Variants in PCDH1 observed in about 807,000 individuals in gnomAD.
PCDH1 encodes protocadherin 1.
PCDH1 carries 23 observed loss-of-function variants against 74.6 expected under a neutral mutation model. That is an observed-to-expected ratio of 0.31 (90% CI 0.22 to 0.44). The LOEUF is 0.44. Among genes scored for constraint, PCDH1 ranks in the 20% least tolerant of loss-of-function variants. The pLI is 1.00. For missense variants in PCDH1, 1,214 were observed against 1,641.4 expected (o/e 0.74, Z 4.50); for synonymous variants, 647 against 686.1 (o/e 0.94, Z 0.89).
At position 141,868,908 on chromosome 5, in the gene PCDH1, G is replaced by A; in HGVS notation, c.564C>T (p.Pro188=). ...CATCACGGTCTGAAGCCAGCGGGAT[G>A]GGGAAGAGTGAGCCGATGTTGGTGT... ...PENTNIGSLF[P]IPLASDRDAG... The change falls in exon 2 of 5, where the codon CCC becomes CCT. Residue 188 remains proline, a synonymous_variant. Coordinates refer to ENST00000287008, the MANE Select transcript of PCDH1 (RefSeq NM_032420.5). This position sits in a 1 kb window ranked among gnomAD's most constrained non-coding sequence, Gnocchi z 4.8. The A allele has an allele frequency of 6.2e-7, 1 of 1,614,234 alleles. No individual in the cohort carries two copies. The highest frequency in any genetic ancestry group is 8.5e-7 in the Non-Finnish European group (1 of 1,180,042).
chr5:141,863,258 T>C lies in PCDH1; in HGVS notation c.3073A>G (p.Asn1025Asp), dbSNP rs763953011. ...TGCTTGCTGGGGTATTTGGGGGGGT[T>C]GGTGCGGTAGCTGTAGTCGGAGTAC... The part of the protein sequence containing the change: ...EQYSDYSYRT[N>D]PPKYPSKQLP... The change falls in exon 3 of 5, where the codon AAC becomes GAC. Residue 1025 changes from asparagine (N) to aspartate (D), a missense_variant. Physicochemically the swap from Asn to Asp is conservative, Grantham distance 23 (BLOSUM62 1). Around this residue, in one of 4 missense-constraint regions of PCDH1, gnomAD observed 836 missense variants for 1,182.2 expected, o/e 0.71. Coordinates refer to ENST00000287008, the MANE Select transcript of PCDH1 (RefSeq NM_032420.5). The surrounding 1 kb of genome is among the most constrained non-coding windows in gnomAD (Gnocchi z 7.5). 1.3e-6 allele frequency: 2 copies of C among 1,592,944 alleles called. No homozygotes were observed. The highest frequency in any genetic ancestry group is 1.7e-5 in the Admixed American group (1 of 57,938).
intron 2 of PCDH1, chr5:141,867,457 G>C (rs1752896514): frequency 2.6e-6 from 1 of 391,068 alleles, no homozygotes; most frequent in Non-Finnish European, 5.0e-6. Context: ...TGCAAAATGG[G>C]GATAATACTT....
In PCDH1 at chr5:141,863,783, G is replaced by A. The variant is rs778410069; in HGVS notation, c.2548C>T (p.Arg850Cys). The change falls in exon 3 of 5, where the codon CGT (arginine) becomes TGT (cysteine). Residue 850 changes from arginine to cysteine, a missense_variant. By Grantham distance (180) the Arg-to-Cys change is radical (BLOSUM62 -3). This residue lies in a region of PCDH1 where 836 missense variants were observed against 1,182.2 expected (regional missense o/e 0.71). Transcript: ENST00000287008. The surrounding 1 kb of genome is among the most constrained non-coding windows in gnomAD (Gnocchi z 7.5). Reference protein sequence around the residue: ...GDPEYERSKQRGNILFGVVAG... With the variant: ...GDPEYERSKQCGNILFGVVAG... ...ACCACACCAAAGAGAATGTTGCCAC[G>A]CTGCTTGGAGCGCTCATATTCTGGA... 3.1e-6 allele frequency: 5 copies of A among 1,614,042 alleles called. No homozygotes were observed. Among genetic ancestry groups the A allele is most frequent in the South Asian group, 2.2e-5 (2 of 91,086 alleles).
At chr5:141,861,637 C>T (rs1752569449) in intron 3 of PCDH1, among the ~76,000 whole-genome samples, 1 of 152,098 alleles carries the variant, frequency 6.6e-6, no homozygotes, top group Admixed American at 6.5e-5. Flanking sequence ...TTTGGGGGCC[C>T]CCCAGGGCAT....
chr5:141,869,294 C>T lies in PCDH1; in HGVS notation c.178G>A (p.Val60Ile), dbSNP rs1753014799. 2 of 1,605,752 alleles carry T rather than the reference C, an allele frequency of 1.2e-6. No individual in the cohort carries two copies. The highest frequency in any genetic ancestry group is 1.7e-6 in the Non-Finnish European group (2 of 1,176,412). ...LAPSPGHATR[V>I]VYKVPEEQPP... ...TGTTCCTCCGGCACCTTGTACACTA[C>T]CCGAGTGGCGTGGCCTGGGGATGGA... The change falls in exon 2 of 5, where the codon GTA becomes ATA. Residue 60 changes from valine to isoleucine, a missense_variant. Val to Ile is a conservative substitution (Grantham distance 29, BLOSUM62 3). This residue lies in a region of PCDH1 where 87 missense variants were observed against 87.7 expected (regional missense o/e 0.99). Transcript: ENST00000287008. The surrounding 1 kb of genome is among the most constrained non-coding windows in gnomAD (Gnocchi z 4.9).
At chr5:141,862,695 G>C in intron 3 of PCDH1, 1 of 990,830 alleles carries the variant, frequency 1.0e-6, no homozygotes, top group Non-Finnish European at 1.2e-6. Flanking sequence ...GGGCATGTGG[G>C]ACCCAGCCCC....
At chr5:141,874,561 G>T (rs1412392895) in intron 1 of PCDH1, among the ~76,000 whole-genome samples, 15 of 152,200 alleles carry the variant, frequency 9.9e-5, no homozygotes, top group Non-Finnish European at 1.9e-4. Flanking sequence ...GATAAGGAGG[G>T]GACGGAGTCC....
rs143444603 is a variant in PCDH1 at position 141,877,503 on chromosome 5, G to A, written c.40+720C>T. On this transcript the variant is annotated intron_variant, in intron 1 of 4. Coordinates refer to ENST00000287008, the MANE Select transcript of PCDH1 (RefSeq NM_032420.5). ...GTTTTGAGGGTTCATCTAGTGAACT[G>A]TGGCTGTGACACTCGTACATGAGGG... Among the ~76,000 whole-genome samples, 1,275 of 152,284 alleles carry A rather than the reference G, an allele frequency of 8.4e-3. 9 individuals are homozygous for A. The highest frequency in any genetic ancestry group is 0.012 in the Non-Finnish European group (827 of 68,034).
Position 141,865,968 on chromosome 5 carries a change from T to C in PCDH1, c.904-541A>G. ...TTGTGTGAGAAGGTATATGTGTTTG[T>C]ATGTGTATGATTGTGTCAGAATGTG... On this transcript the variant is annotated intron_variant, in intron 2 of 4. Transcript: ENST00000287008. The surrounding 1 kb of genome is among the most constrained non-coding windows in gnomAD (Gnocchi z 4.4). 1 of 786,566 alleles carries C rather than the reference T, an allele frequency of 1.3e-6. No individual in the cohort carries two copies. Among genetic ancestry groups the C allele is most frequent in the Non-Finnish European group, 1.6e-6 (1 of 642,670 alleles). 48.7% of individuals were successfully genotyped at this position (786,566 alleles called of 1,614,324 possible).
chr5:141,855,954 A>ACCCCCCCC (rs34330177), intron 4 of PCDH1, among the ~76,000 whole-genome samples: 25 of 148,812 alleles, frequency 1.7e-4, no homozygotes, highest in Non-Finnish European at 3.0e-4. Flanking sequence ...CCAGGCAGTG[A>ACCCCCCCC]CCCCCCCCCA....
chr5:141,857,038 TCA>T (rs2126804943), intron 4 of PCDH1, among the ~76,000 whole-genome samples: 1 of 152,324 alleles, frequency 6.6e-6, no homozygotes, highest in East Asian at 1.9e-4. Context: ...TCTCTAAGCC[TCA>T]GTTTCCTCCA....
chr5:141,867,448 G>A, intron 2 of PCDH1: 1 of 373,876 alleles, frequency 2.7e-6, no homozygotes, highest in East Asian at 7.9e-5. Context: ...TTTCTCATCT[G>A]CAAAATGGGG....
intron 4 of PCDH1, among the ~76,000 whole-genome samples, chr5:141,855,895 G>A (rs1752316535): frequency 6.6e-6 from 1 of 152,070 alleles, no homozygotes; most frequent in Non-Finnish European, 1.5e-5. Flanking sequence ...TGGGCCATGA[G>A]TACTTCCTGT....
Position 141,878,234 on chromosome 5 carries a change from C to A in PCDH1, c.29G>T (p.Cys10Phe). ...CGCCGGATCCTTACCCGCCTCCGGGCAGCGCCGGCCGCCCGCCCCGCTGTC... is the reference window on the plus strand; with the variant it reads ...CGCCGGATCCTTACCCGCCTCCGGGAAGCGCCGGCCGCCCGCCCCGCTGTC... MDSGAGGRR[C>F]PEAALLILGP... Residue 10 changes from cysteine to phenylalanine, a missense_variant, in exon 1 of 5, where the codon TGC becomes TTC. Around this residue, in one of 4 missense-constraint regions of PCDH1, gnomAD observed 87 missense variants for 87.7 expected, o/e 0.99. Coordinates refer to ENST00000287008, the MANE Select transcript of PCDH1 (RefSeq NM_032420.5). The surrounding 1 kb of genome is among the most constrained non-coding windows in gnomAD (Gnocchi z 5.5). 2.9e-6 allele frequency: 4 copies of A among 1,382,410 alleles called. No homozygotes were observed. Among genetic ancestry groups the A allele is most frequent in the Non-Finnish European group, 1.9e-6 (2 of 1,069,184 alleles). 85.6% of individuals were successfully genotyped at this position (1,382,410 alleles called of 1,614,324 possible). A position where few individuals can be genotyped will look rare whatever the true frequency, so the allele number is the denominator to read the frequency against.
rs755057526 is a variant in PCDH1, at chr5:141,854,121, G to T, written c.3635C>A (p.Pro1212His). 1 of 1,585,938 alleles carries T rather than the reference G, an allele frequency of 6.3e-7. No individual in the cohort carries two copies. The highest frequency in any genetic ancestry group is 2.2e-5 in the East Asian group (1 of 44,470). Residue 1212 changes from proline (P) to histidine (H), a missense_variant, in exon 5 of 5, where the codon CCC becomes CAC. This residue lies in a region of PCDH1 where 194 missense variants were observed against 198.3 expected (regional missense o/e 0.98). Transcript: ENST00000287008. ...TGGGAAGTCCGAGGTCTGGGTCAGG[G>T]GGATTTCCTCCAAGGTGGCCGAGTC... ...CKDSATLEEI[P>H]LTQTSDFPPA...
Position 141,865,401 on chromosome 5 carries a change from A to C in PCDH1, c.930T>G (p.Gly310=). The change falls in exon 3 of 5, where the codon GGT becomes GGG. Residue 310 remains glycine (G), a synonymous_variant. Transcript: ENST00000287008. This position sits in a 1 kb window ranked among gnomAD's most constrained non-coding sequence, Gnocchi z 4.4. The part of the protein sequence containing the change: ...IQVKANDSDQ[G]ANAEIEYTFH... The stretch of plus-strand genomic sequence containing the variant: ...ATGTGTATTCGATTTCTGCATTGGC[A>C]CCTTGGTCTGAGTCATTGGCCTTCA... 1 of 1,613,598 alleles carries C rather than the reference A, an allele frequency of 6.2e-7. No individual in the cohort carries two copies. The highest frequency in any genetic ancestry group is 2.2e-5 in the East Asian group (1 of 44,868).
chr5:141,864,092 C>T lies in PCDH1; in HGVS notation c.2239G>A (p.Gly747Ser). 6.2e-7 allele frequency: 1 copy of T among 1,611,448 alleles called. No homozygotes were observed. The highest frequency in any genetic ancestry group is 8.5e-7 in the Non-Finnish European group (1 of 1,177,830). Residue 747 changes from glycine (G) to serine (S), a missense_variant, in exon 3 of 5, where the codon GGT (glycine) becomes AGT (serine). This residue lies in a region of PCDH1 where 836 missense variants were observed against 1,182.2 expected (regional missense o/e 0.71). Coordinates refer to ENST00000287008, the MANE Select transcript of PCDH1 (RefSeq NM_032420.5). This position sits in a 1 kb window ranked among gnomAD's most constrained non-coding sequence, Gnocchi z 5.9. The stretch of plus-strand genomic sequence containing the variant: ...CTGTAGATCAGCTCAGCATTGACAC[C>T]AGAGTCAAAGTCCTCGGCTGCCACC... The part of the protein sequence containing the change: ...SQVAAEDFDS[G>S]VNAELIYSIA...
rs1319548676 is a variant in PCDH1 at position 141,869,564 on chromosome 5, A to C, written c.41-133T>G. 23 of 1,536,240 alleles carry C rather than the reference A, an allele frequency of 1.5e-5. No homozygotes were observed. Among genetic ancestry groups the C allele is most frequent in the Non-Finnish European group, 1.8e-5 (21 of 1,147,180 alleles). On this transcript the variant is annotated intron_variant, in intron 1 of 4. Coordinates refer to ENST00000287008, the MANE Select transcript of PCDH1 (RefSeq NM_032420.5). The surrounding 1 kb of genome is among the most constrained non-coding windows in gnomAD (Gnocchi z 4.9). ...CTCCACAAGAGCAGTCAGTCCCAGC[A>C]CAGAACCCCGATTCCAGAAACTCAG...
chr5:141,863,024 G>T lies in PCDH1; in HGVS notation c.3099+208C>A. On this transcript the variant is annotated intron_variant, in intron 3 of 4. Transcript: ENST00000287008. The surrounding 1 kb of genome is among the most constrained non-coding windows in gnomAD (Gnocchi z 7.5). The stretch of plus-strand genomic sequence containing the variant: ...GGGAGAGGGCAGGGAGGAGACCACA[G>T]AGCACACCCTCCCTTAATCTTCACT... 7.7e-7 allele frequency: 1 copy of T among 1,301,342 alleles called. No individual in the cohort carries two copies. 80.6% of individuals were successfully genotyped at this position (1,301,342 alleles called of 1,614,324 possible).
Sources: gnomAD v4.1 joint callset for allele counts (sites outside exome capture counted in the v4.1 genomes callset) on GRCh38, gnomAD v4.1.1 for gene constraint, gnomAD v4.1.1 regional missense constraint, Gnocchi (gnomAD v3.1) non-coding constraint, MANE v1.5 for transcripts, NCBI Gene and HGNC (gene_info 2026-07-23, HGNC 2026-07-21) for gene names.